The following HS3ST2 variants were observed in gnomAD, a reference collection of about 807,000 sequenced individuals.
HS3ST2 encodes heparan sulfate-glucosamine 3-sulfotransferase 2, also known as heparan sulfate glucosamine 3-O-sulfotransferase 2.
HS3ST2 carries 17 observed loss-of-function variants against 26.3 expected under a neutral mutation model. The observed-to-expected ratio is 0.65, with a 90% CI of 0.44 to 0.97. The LOEUF (loss-of-function observed/expected upper bound fraction) is 0.97. Among genes scored for constraint, HS3ST2 ranks in the 50% least tolerant of loss-of-function variants. HS3ST2 has a pLI of 0.00. For synonymous variants in HS3ST2, 237 were observed against 219.2 expected (o/e 1.08, Z -0.72); for missense variants, 402 against 501.2 (o/e 0.80, Z 1.89).
In HS3ST2 at chr16:22,882,894, G is replaced by A. The variant is rs188738951; in HGVS notation, c.486-32050G>A. Among the ~76,000 whole-genome samples, 214 of 151,760 alleles carry A rather than the reference G, an allele frequency of 1.4e-3. 1 individual carries two copies. Among genetic ancestry groups the A allele is most frequent in the African/African-American group, 4.1e-3 (171 of 41,354 alleles). On this transcript the variant is annotated intron_variant, in intron 1 of 1. Coordinates refer to ENST00000261374, the MANE Select transcript of HS3ST2 (RefSeq NM_006043.2). The stretch of plus-strand genomic sequence containing the variant: ...AAAAACACAAAAGTTAGCCAGGCGT[G>A]GTGGTGCATGCCTATAGTCCCAGCT...
intron 1 of HS3ST2, among the ~76,000 whole-genome samples, chr16:22,891,315 A>G (rs757859055): frequency 1.3e-5 from 2 of 152,216 alleles, no homozygotes; most frequent in African/African-American, 2.4e-5. Context: ...ATTTCCACGC[A>G]TCGTCTCGAA....
chr16:22,822,051 C>A (rs1223073897), intron 1 of HS3ST2, among the ~76,000 whole-genome samples: 1 of 152,138 alleles, frequency 6.6e-6, no homozygotes, highest in Non-Finnish European at 1.5e-5. Context: ...AGTGTCTGCT[C>A]TAGGTGGAGG....
chr16:22,868,405 C>CAAAAAAAAA (rs77630354), intron 1 of HS3ST2, among the ~76,000 whole-genome samples: 1 of 43,504 alleles, frequency 2.3e-5, no homozygotes, highest in East Asian at 6.8e-4. Flanking sequence ...AAGACTCCAT[C>CAAAAAAAAA]AAAAAAAAAA....
chr16:22,866,369 C>CGTGT (rs55757233), intron 1 of HS3ST2, among the ~76,000 whole-genome samples: 2,829 of 143,774 alleles, frequency 0.02, 31 homozygotes, highest in African/African-American at 0.036. Flanking sequence ...ATATGGTGTG[C>CGTGT]GTGTGTGTGT....
At chr16:22,885,254 T>C (rs994759932) in intron 1 of HS3ST2, among the ~76,000 whole-genome samples, 1 of 152,116 alleles carries the variant, frequency 6.6e-6, no homozygotes, top group Non-Finnish European at 1.5e-5. Context: ...CAACTTTGTT[T>C]CTGTAAGCCT....
chr16:22,915,221 C>T lies in HS3ST2; in HGVS notation c.763C>T (p.Leu255=). ...CGCCATCCGCATCGGCATGTACGTG[C>T]TGCACCTGGAGAGCTGGCTGCAGTA... is the stretch of plus-strand genomic sequence containing the variant. ...WNAIRIGMYV[L]HLESWLQYFP... The change falls in exon 2 of 2, where the codon CTG becomes TTG. Residue 255 remains leucine, a synonymous_variant. Coordinates refer to ENST00000261374, the MANE Select transcript of HS3ST2 (RefSeq NM_006043.2). 1 of 1,614,138 alleles carries T rather than the reference C, an allele frequency of 6.2e-7. No homozygotes were observed. Among genetic ancestry groups the T allele is most frequent in the East Asian group, 2.2e-5 (1 of 44,880 alleles).
At chr16:22,830,096 C>T (rs1901146808) in intron 1 of HS3ST2, among the ~76,000 whole-genome samples, 1 of 151,932 alleles carries the variant, frequency 6.6e-6, no homozygotes, top group Non-Finnish European at 1.5e-5. Context: ...TATTGTCATT[C>T]ATGTACATGC....
chr16:22,898,816 G>T (rs1902242771), intron 1 of HS3ST2, among the ~76,000 whole-genome samples: 1 of 152,184 alleles, frequency 6.6e-6, no homozygotes, highest in African/African-American at 2.4e-5. Context: ...CATGGCCCTT[G>T]CTCCCTCTAT....
At chr16:22,907,071 T>G (rs1372199513) in intron 1 of HS3ST2, among the ~76,000 whole-genome samples, 4 of 152,180 alleles carry the variant, frequency 2.6e-5, no homozygotes, top group African/African-American at 9.7e-5. Flanking sequence ...TGGTTTGGAT[T>G]TGGAAATGCG....
At chr16:22,878,557 C>T (rs552343696) in intron 1 of HS3ST2, among the ~76,000 whole-genome samples, 1 of 152,186 alleles carries the variant, frequency 6.6e-6, no homozygotes, top group East Asian at 1.9e-4. Context: ...AAGCATCCTC[C>T]CTGTAAGCCA....
intron 1 of HS3ST2, among the ~76,000 whole-genome samples, chr16:22,864,185 G>A (rs1901716853): frequency 6.6e-6 from 1 of 152,160 alleles, no homozygotes. Flanking sequence ...CATATGCTCA[G>A]CATATAATTT....
chr16:22,865,554 T>C (rs374863391), intron 1 of HS3ST2, among the ~76,000 whole-genome samples: 14 of 151,770 alleles, frequency 9.2e-5, no homozygotes, highest in African/African-American at 3.1e-4. Flanking sequence ...AGACTTAGTC[T>C]AAAAAATAAA....
intron 1 of HS3ST2, among the ~76,000 whole-genome samples, chr16:22,895,070 CT>C (rs55861016): frequency 0.47 from 63,050 of 134,594 alleles, 14,162 homozygotes; most frequent in Admixed American, 0.55. Context: ...TTCTTTCTTT[CT>C]TTTTTTTTTT....
At chr16:22,850,303 T>G (rs1221667542) in intron 1 of HS3ST2, among the ~76,000 whole-genome samples, 1 of 152,092 alleles carries the variant, frequency 6.6e-6, no homozygotes, top group Non-Finnish European at 1.5e-5. Context: ...AGGGCTCGAA[T>G]GGGTGTAATA....
chr16:22,898,208 C>T (rs1044657812), intron 1 of HS3ST2, among the ~76,000 whole-genome samples: 1 of 152,202 alleles, frequency 6.6e-6, no homozygotes, highest in African/African-American at 2.4e-5. Context: ...GACACTGTGC[C>T]TTCCTGATGG....
At chr16:22,873,483 G>A (rs1901866520) in intron 1 of HS3ST2, among the ~76,000 whole-genome samples, 1 of 152,328 alleles carries the variant, frequency 6.6e-6, no homozygotes, top group South Asian at 2.1e-4. Context: ...GATTAGAAGA[G>A]TGAGAGCAAT....
chr16:22,820,382 G>A (rs898916563), intron 1 of HS3ST2, among the ~76,000 whole-genome samples: 4 of 152,192 alleles, frequency 2.6e-5, no homozygotes, highest in Non-Finnish European at 4.4e-5. Flanking sequence ...TTTCCCCAAA[G>A]CCTTAGTCTA....
intron 1 of HS3ST2, among the ~76,000 whole-genome samples, chr16:22,895,563 C>T (rs1046704456): frequency 1.3e-4 from 20 of 152,208 alleles, no homozygotes; most frequent in Middle Eastern, 6.8e-3. Flanking sequence ...GTTCCTGCCT[C>T]TGTATTCTGG....
At chr16:22,877,168 C>G (rs982914896) in intron 1 of HS3ST2, among the ~76,000 whole-genome samples, 2 of 152,106 alleles carry the variant, frequency 1.3e-5, no homozygotes, top group African/African-American at 4.8e-5. Context: ...GTGAATGTGG[C>G]TGGGAGATAT....
Sources: gnomAD v4.1 joint callset for allele counts (sites outside exome capture counted in the v4.1 genomes callset) on GRCh38, gnomAD v4.1.1 for gene constraint, MANE v1.5 for transcripts, NCBI Gene and HGNC (gene_info 2026-07-23, HGNC 2026-07-21) for gene names.